RBFOX1: variants seen among roughly 807,000 people sequenced by gnomAD.
RBFOX1 encodes the protein RNA binding fox-1 homolog 1.
RBFOX1 carries 8 observed loss-of-function variants against 57.7 expected under a neutral mutation model. The ratio of observed to expected loss-of-function variants is 0.14; its 90% confidence interval spans 0.08 to 0.25. The LOEUF is 0.25. Ranked by LOEUF, RBFOX1 falls within the 10% of genes least tolerant of loss-of-function variation. The pLI is 1.00. For synonymous variants in RBFOX1, 326 were observed against 222.4 expected, an observed-to-expected ratio of 1.47 and a Z score of -4.15; for missense variants, 611 against 548.5, an observed-to-expected ratio of 1.11 and a Z score of -1.14.
chr16:5,546,484 G>A (rs1041788007), intron 2 of RBFOX1, among the ~76,000 whole-genome samples: 4 of 152,200 alleles, frequency 2.6e-5, no homozygotes, highest in African/African-American at 9.7e-5. Flanking sequence ...TTGGGTCGAT[G>A]TAACAGTAAA....
At position 7,048,114 on chromosome 16, in the gene RBFOX1, G is replaced by A. The variant is rs112015341; in HGVS notation, c.-15-3943G>A. On this transcript the variant is annotated intron_variant, in intron 3 of 15. Transcript: ENST00000550418. ...GGCTGGTCTCAAATTCCTGACCTCA[G>A]GTGATCCGACCCGCTTGGCTTCCCA... Among the ~76,000 whole-genome samples, 772 of 152,164 alleles carry A rather than the reference G, an allele frequency of 5.1e-3. 10 individuals carry two copies. The highest frequency in any genetic ancestry group is 0.018 in the African/African-American group (736 of 41,538).
At chr16:7,205,579 G>C (rs1411132721) in intron 4 of RBFOX1, among the ~76,000 whole-genome samples, 1 of 151,654 alleles carries the variant, frequency 6.6e-6, no homozygotes, top group African/African-American at 2.4e-5. Flanking sequence ...CCTTTCAGTA[G>C]AATGTTCCTA....
intron 3 of RBFOX1, among the ~76,000 whole-genome samples, chr16:6,708,319 C>G (rs1260937990): frequency 6.6e-6 from 1 of 151,768 alleles, no homozygotes; most frequent in Admixed American, 6.6e-5. Flanking sequence ...CACTCATTCA[C>G]AAAAATCACT....
At position 5,856,215 on chromosome 16, in the gene RBFOX1, A is replaced by ATG. The variant is rs150530685; in HGVS notation, c.319-11086_319-11085dup. ...TATATATATATATATATACATATAT[A>ATG]TGTATATATATATGTATATATATGT... is the stretch of plus-strand genomic sequence containing the variant. On this transcript the variant is annotated intron_variant, in intron 3 of 19. Transcript: ENST00000641259. Among the ~76,000 whole-genome samples, 116 of 59,558 alleles carry ATG rather than the reference A, an allele frequency of 1.9e-3. 5 individuals are homozygous for ATG. Among genetic ancestry groups the ATG allele is most frequent in the African/African-American group, 7.4e-3 (111 of 15,080 alleles). 39.1% of individuals were successfully genotyped at this position (59,558 alleles called of 152,430 possible).
chr16:7,599,260 A>T (rs555962878), intron 9 of RBFOX1, among the ~76,000 whole-genome samples: 1 of 152,330 alleles, frequency 6.6e-6, no homozygotes, highest in East Asian at 1.9e-4. Context: ...ACGGTTGGGC[A>T]TAGTCTTTAA....
At chr16:6,689,867 A>T (rs1461853017) in intron 3 of RBFOX1, among the ~76,000 whole-genome samples, 2 of 152,144 alleles carry the variant, frequency 1.3e-5, no homozygotes, top group Non-Finnish European at 2.9e-5. Context: ...TTGTCTCTGA[A>T]TGTGGTTTCC....
chr16:6,981,238 T>C (rs1341848492), intron 3 of RBFOX1, among the ~76,000 whole-genome samples: 1 of 151,938 alleles, frequency 6.6e-6, no homozygotes, highest in Non-Finnish European at 1.5e-5. Flanking sequence ...CTAGTACTCA[T>C]TCATTGTTTT....
At chr16:5,525,917 C>G (rs998374447) in intron 2 of RBFOX1, among the ~76,000 whole-genome samples, 1 of 152,062 alleles carries the variant, frequency 6.6e-6, no homozygotes, top group Non-Finnish European at 1.5e-5. Flanking sequence ...AGGCTAGTGC[C>G]TCTTTACTTG....
At chr16:7,131,278 G>A (rs1033309156) in intron 4 of RBFOX1, among the ~76,000 whole-genome samples, 7 of 150,274 alleles carry the variant, frequency 4.7e-5, no homozygotes, top group African/African-American at 1.5e-4. Flanking sequence ...CCTGGGAAGC[G>A]GAGGTTGCAG....
intron 4 of RBFOX1, among the ~76,000 whole-genome samples, chr16:7,246,130 C>T: frequency 6.6e-6 from 1 of 151,976 alleles, no homozygotes; most frequent in East Asian, 1.9e-4. Context: ...TAGTTTGATA[C>T]CTAAGCTGGT....
intron 2 of RBFOX1, among the ~76,000 whole-genome samples, chr16:5,507,295 T>C (rs541787403): frequency 2.6e-5 from 4 of 152,244 alleles, no homozygotes; most frequent in Non-Finnish European, 5.9e-5. Flanking sequence ...GTTTCCTTTA[T>C]TTGTTGCTGT....
rs770771016 is a variant in RBFOX1 at position 6,085,303 on chromosome 16, G to A, written c.-127+65311G>A. Among the ~76,000 whole-genome samples, 109 of 152,220 alleles carry A rather than the reference G, an allele frequency of 7.2e-4. 1 individual carries two copies. Among genetic ancestry groups the A allele is most frequent in the Non-Finnish European group, 4.6e-4 (31 of 68,010 alleles). On this transcript the variant is annotated intron_variant, in intron 1 of 15. Coordinates refer to ENST00000550418, the MANE Select transcript of RBFOX1 (RefSeq NM_018723.4). ...TGTTTTGTTTTTGAGACGCGGTTTCGCTCTTGTTGCCCAGGCTGAAGTGCA... is the reference window on the plus strand; with the variant it reads ...TGTTTTGTTTTTGAGACGCGGTTTCACTCTTGTTGCCCAGGCTGAAGTGCA...
intron 4 of RBFOX1, among the ~76,000 whole-genome samples, chr16:7,375,249 C>A (rs2097663401): frequency 6.6e-6 from 1 of 152,184 alleles, no homozygotes; most frequent in African/African-American, 2.4e-5. Flanking sequence ...ATGACACAGT[C>A]TGTATTCAAA....
chr16:6,429,504 C>G (rs547659751), intron 2 of RBFOX1, among the ~76,000 whole-genome samples: 1 of 152,342 alleles, frequency 6.6e-6, no homozygotes, highest in South Asian at 2.1e-4. Context: ...ATGTGCACCT[C>G]TTTGTCTGTT....
intron 2 of RBFOX1, among the ~76,000 whole-genome samples, chr16:5,502,458 C>T (rs1333745355): frequency 6.6e-6 from 1 of 152,166 alleles, no homozygotes; most frequent in Non-Finnish European, 1.5e-5. Context: ...GGACCTCAGG[C>T]TCCGGCCCCT....
intron 3 of RBFOX1, among the ~76,000 whole-genome samples, chr16:5,627,426 TG>T (rs2048378238): frequency 1.3e-5 from 2 of 152,134 alleles, no homozygotes; most frequent in African/African-American, 4.8e-5. Flanking sequence ...GGGGTGTGTG[TG>T]TGTGTGTGTC....
At chr16:5,491,109 C>G (rs936485377) in intron 2 of RBFOX1, among the ~76,000 whole-genome samples, 1 of 152,102 alleles carries the variant, frequency 6.6e-6, no homozygotes, top group African/African-American at 2.4e-5. Context: ...ACGGGACCAC[C>G]GTCATATCTG....
chr16:7,032,849 G>A (rs112537028), intron 3 of RBFOX1, among the ~76,000 whole-genome samples: 1 of 152,070 alleles, frequency 6.6e-6, no homozygotes. Context: ...AGCCACTCTG[G>A]GAAACTTGTC....
At chr16:5,846,636 T>C (rs1431515510) in intron 3 of RBFOX1, among the ~76,000 whole-genome samples, 1 of 152,208 alleles carries the variant, frequency 6.6e-6, no homozygotes, top group African/African-American at 2.4e-5. Flanking sequence ...AGCAAGACCC[T>C]GCTTCTCTCC....
Sources: allele counts gnomAD v4.1 joint callset (sites outside exome capture counted in the v4.1 genomes callset), GRCh38; gene constraint gnomAD v4.1.1; transcripts MANE v1.5; gene names NCBI Gene and HGNC (gene_info 2026-07-23, HGNC 2026-07-21).